The following WDR37 variants were observed in gnomAD, a reference collection of about 807,000 sequenced individuals.
WDR37 encodes WD repeat-containing protein 37.
WDR37 carries 19 observed loss-of-function variants against 62.9 expected under a neutral mutation model. The ratio of observed to expected loss-of-function variants is 0.30; its 90% CI spans 0.21 to 0.44. The LOEUF (loss-of-function observed/expected upper bound fraction) is 0.44. Among genes scored for constraint, WDR37 ranks in the 20% least tolerant of loss-of-function variants. The pLI, the probability that WDR37 is intolerant of heterozygous loss-of-function variation, is 1.00. For missense variants in WDR37, 474 were observed against 657.6 expected (o/e 0.72, Z 3.05); for synonymous variants, 250 against 260.9 (o/e 0.96, Z 0.40).
chr10:1,062,256 T>C (rs1833396254), intron 1 of WDR37, among the ~76,000 whole-genome samples: 1 of 152,222 alleles, frequency 6.6e-6, no homozygotes, highest in Non-Finnish European at 1.5e-5. Context: ...TTGACTATTT[T>C]GTGAAGTGGC....
chr10:1,124,480 C>A, intron 12 of WDR37, 128 bp downstream of exon 12: 1 of 1,323,126 alleles, frequency 7.6e-7, no homozygotes, highest in Non-Finnish European at 1.0e-6. Flanking sequence ...CTCCTTTGTC[C>A]TCTAATGCAG....
In WDR37 at chr10:1,124,850, A is replaced by G. The variant is rs77979897; in HGVS notation, c.1239-60A>G. 3.0e-5 allele frequency: 48 copies of G among 1,587,632 alleles called. 1 individual carries two copies. The highest frequency in any genetic ancestry group is 1.1e-4 in the African/African-American group (8 of 74,386). ...GAACCTCCTGCTTCATTATCTGTCA[A>G]CTCAAAAACTTACAGTGTCACTGTT... On this transcript the variant is annotated intron_variant, in intron 12 of 13. Transcript: ENST00000263150.
chr10:1,124,813 G>A, intron 12 of WDR37, 97 bp from the exon 13 acceptor site: 2 of 1,484,736 alleles, frequency 1.3e-6, no homozygotes, highest in South Asian at 1.3e-5. Flanking sequence ...GCCTTGAAAT[G>A]TGAATAATAT....
At chr10:1,109,452 C>T (rs763420393) in intron 11 of WDR37, among the ~76,000 whole-genome samples, 15 of 152,282 alleles carry the variant, frequency 9.9e-5, no homozygotes, top group African/African-American at 1.4e-4. Context: ...TTAGGCTGGG[C>T]GCGGTGGCTC....
intron 11 of WDR37, among the ~76,000 whole-genome samples, chr10:1,115,825 G>A (rs1468057108): frequency 6.6e-6 from 1 of 152,164 alleles, no homozygotes; most frequent in African/African-American, 2.4e-5. Context: ...TGGTGACTTT[G>A]CAGACAGCAG....
At chr10:1,076,243 G>T (rs1441065493) in intron 2 of WDR37, among the ~76,000 whole-genome samples, 1 of 152,120 alleles carries the variant, frequency 6.6e-6, no homozygotes, top group Non-Finnish European at 1.5e-5. Flanking sequence ...GTGCGTGTGT[G>T]TGTGTGGTTT....
At chr10:1,072,835 G>A (rs112836832) in intron 2 of WDR37, among the ~76,000 whole-genome samples, 24 of 152,290 alleles carry the variant, frequency 1.6e-4, no homozygotes, top group Admixed American at 3.9e-4. Flanking sequence ...ATCAAAGTGG[G>A]TATGAGAGTT....
intron 1 of WDR37, among the ~76,000 whole-genome samples, chr10:1,065,984 C>T (rs1181581726): frequency 2.0e-5 from 3 of 151,176 alleles, no homozygotes; most frequent in East Asian, 1.9e-4. Context: ...AGAATGTACA[C>T]GTTTAATACA....
intron 1 of WDR37, among the ~76,000 whole-genome samples, chr10:1,065,009 C>T (rs1833494125): frequency 6.6e-6 from 1 of 152,046 alleles, no homozygotes; most frequent in Non-Finnish European, 1.5e-5. Flanking sequence ...GTGAAAACTT[C>T]CTTCACATGA....
intron 1 of WDR37, among the ~76,000 whole-genome samples, chr10:1,058,246 A>G (rs1284657377): frequency 6.6e-6 from 1 of 151,072 alleles, no homozygotes; most frequent in Non-Finnish European, 1.5e-5. Context: ...CTAAGTCCCG[A>G]CTCCCTGTCC....
intron 11 of WDR37, among the ~76,000 whole-genome samples, chr10:1,116,999 T>C (rs567447578): frequency 2.0e-5 from 3 of 152,344 alleles, no homozygotes; most frequent in African/African-American, 7.2e-5. Context: ...TCCTGTGATA[T>C]GAACCTAACA....
At chr10:1,100,564 C>T (rs935648332) in intron 9 of WDR37, among the ~76,000 whole-genome samples, 1 of 152,200 alleles carries the variant, frequency 6.6e-6, no homozygotes, top group Non-Finnish European at 1.5e-5. Flanking sequence ...GGGCAAACGT[C>T]TTGTGTTTTA....
At chr10:1,096,422 T>C in intron 9 of WDR37, 176 bp downstream of exon 9, 1 of 657,502 alleles carries the variant, frequency 1.5e-6, no homozygotes, top group South Asian at 1.8e-5. Context: ...GTAGTTAAGG[T>C]TCAGTGAGGT....
Position 1,105,159 on chromosome 10 carries a change from A to G in WDR37, c.995A>G (p.His332Arg). 6.2e-7 allele frequency: 1 copy of G among 1,613,648 alleles called. No homozygotes were observed. Among genetic ancestry groups the G allele is most frequent in the Non-Finnish European group, 8.5e-7 (1 of 1,179,940 alleles). ...CAGGAGTTGACGCACTGCTGCACAC[A>G]CCCCACCCAGCGGCTCGTGGTGACC... is the stretch of plus-strand genomic sequence containing the variant. ...HDQELTHCCT[H>R]PTQRLVVTSS... The change falls in exon 11 of 14, where the codon CAC (histidine) becomes CGC (arginine). Residue 332 changes from histidine to arginine, a missense_variant. By Grantham distance (29) the His-to-Arg change is conservative. Transcript: ENST00000263150. This position sits in a 1 kb window ranked among gnomAD's most constrained non-coding sequence, Gnocchi z 5.3.
At chr10:1,109,280 G>T (rs1233235999) in intron 11 of WDR37, among the ~76,000 whole-genome samples, 1 of 152,212 alleles carries the variant, frequency 6.6e-6, no homozygotes, top group African/African-American at 2.4e-5. Context: ...TTAACTGGAA[G>T]ATTTTATTTT....
chr10:1,056,658 G>C lies in WDR37; in HGVS notation c.-351G>C, dbSNP rs578114900. On this transcript the variant is annotated 5_prime_UTR_variant, in exon 1 of 14. Transcript: ENST00000263150. The stretch of plus-strand genomic sequence containing the variant: ...TGGGGGCGTTGGCCCAGCAGCCGAA[G>C]GGGTCTTCAGCGCGCCCAGACCCCT... 1 of 152,358 alleles carries C rather than the reference G, an allele frequency of 6.6e-6. No homozygotes were observed. The highest frequency in any genetic ancestry group is 2.4e-5 in the African/African-American group (1 of 41,586). The allele number at this position is 152,358 out of a possible 1,614,324, so 9.4% of individuals were successfully genotyped here.
chr10:1,082,588 G>T (rs1423755025), intron 5 of WDR37, among the ~76,000 whole-genome samples: 2 of 152,198 alleles, frequency 1.3e-5, no homozygotes, highest in Non-Finnish European at 2.9e-5. Flanking sequence ...CTGCTTTTCT[G>T]TTATGAACGT....
chr10:1,087,522 G>T (rs1316915285), intron 7 of WDR37, among the ~76,000 whole-genome samples: 1 of 152,226 alleles, frequency 6.6e-6, no homozygotes, highest in Non-Finnish European at 1.5e-5. Context: ...TAGTAGGCAT[G>T]AAATCAGCAT....
At chr10:1,106,184 G>C (rs980069118) in intron 11 of WDR37, among the ~76,000 whole-genome samples, 1 of 152,074 alleles carries the variant, frequency 6.6e-6, no homozygotes, top group African/African-American at 2.4e-5. Flanking sequence ...GCCCAGTCAC[G>C]GGGGCTGTCT....
Sources: allele counts gnomAD v4.1 joint callset (sites outside exome capture counted in the v4.1 genomes callset), GRCh38; gene constraint gnomAD v4.1.1; non-coding constraint Gnocchi (gnomAD v3.1); transcripts MANE v1.5; gene names NCBI Gene and HGNC (gene_info 2026-07-23, HGNC 2026-07-21).